The following AXIN1 variants were observed in gnomAD, a reference collection of about 807,000 sequenced individuals.
AXIN1 encodes axin-1.
A neutral mutation model predicts 76.4 loss-of-function variants in AXIN1; 30 were observed. That is an observed-to-expected ratio of 0.39 (90% CI 0.29 to 0.53). The LOEUF (loss-of-function observed/expected upper bound fraction) is 0.53, where lower values mean the gene tolerates loss of function less well. Among genes scored for constraint, AXIN1 ranks in the 20% least tolerant of loss-of-function variants. The pLI, the probability that AXIN1 is intolerant of heterozygous loss-of-function variation, is 0.66. For missense variants in AXIN1, 1,140 were observed against 1,198.8 expected (o/e 0.95, Z 0.72); for synonymous variants, 545 against 501.4 (o/e 1.09, Z -1.16).
chr16:290,160 C>G (rs1342569361), intron 9 of AXIN1: 5 of 170,912 alleles, frequency 2.9e-5, no homozygotes, highest in Admixed American at 2.8e-4. Context: ...ACAGCCGTGC[C>G]GGGATGACGG....
chr16:296,376 C>T (rs2052712371), intron 7 of AXIN1, among the ~76,000 whole-genome samples: 1 of 152,272 alleles, frequency 6.6e-6, no homozygotes. Flanking sequence ...CATCCACCCA[C>T]CAGGGCCAAC....
chr16:296,160 G>T (rs554848281), intron 7 of AXIN1, among the ~76,000 whole-genome samples: 3 of 152,214 alleles, frequency 2.0e-5, no homozygotes, highest in African/African-American at 4.8e-5. Flanking sequence ...CCAGAAAAAC[G>T]ATGAGCCCGT....
intron 4 of AXIN1, among the ~76,000 whole-genome samples, chr16:307,275 T>A (rs1192687563): frequency 6.6e-6 from 1 of 152,134 alleles, no homozygotes; most frequent in Non-Finnish European, 1.5e-5. Context: ...AGACTCCAGG[T>A]GGCCTTGCAG....
intron 4 of AXIN1, among the ~76,000 whole-genome samples, chr16:307,307 G>C (rs1340600085): frequency 6.6e-6 from 1 of 152,200 alleles, no homozygotes; most frequent in Non-Finnish European, 1.5e-5. Flanking sequence ...ACGGTTCTGA[G>C]AACAGCAAAA....
rs1374793173 is a variant in AXIN1, at chr16:310,172, T to G, written c.1020-103A>C. On this transcript the variant is annotated intron_variant, in intron 3 of 10. Coordinates refer to ENST00000262320, the MANE Select transcript of AXIN1 (RefSeq NM_003502.4). ...CCGACCGCCGGTCAGCAGGCAATGA[T>G]GAGGACACCTGTGAGCCACCACCAC... 21 of 1,009,474 alleles carry G rather than the reference T, an allele frequency of 2.1e-5. 1 individual carries two copies. The highest frequency in any genetic ancestry group is 5.3e-4 in the Middle Eastern group (2 of 3,740). 62.5% of individuals were successfully genotyped at this position (1,009,474 alleles called of 1,614,324 possible). A position where few individuals can be genotyped will look rare whatever the true frequency, so the allele number is the denominator to read the frequency against.
intron 4 of AXIN1, among the ~76,000 whole-genome samples, chr16:308,786 TTTG>T (rs1298922973): frequency 3.9e-5 from 6 of 152,220 alleles, no homozygotes; most frequent in Non-Finnish European, 8.8e-5. Flanking sequence ...TCAGCCACTT[TTTG>T]TTAAGTAGAC....
chr16:308,036 C>T (rs768620634), intron 4 of AXIN1, among the ~76,000 whole-genome samples: 3 of 152,358 alleles, frequency 2.0e-5, no homozygotes, highest in South Asian at 2.1e-4. Flanking sequence ...ACAGAGCCTC[C>T]GATGAGGTTG....
chr16:294,755 CAAAA>C (rs1015576394), intron 7 of AXIN1, among the ~76,000 whole-genome samples: 3 of 24,760 alleles, frequency 1.2e-4, no homozygotes, highest in South Asian at 4.3e-3. Context: ...AACCCCATCT[CAAAA>C]AAAAAAAAAA....
Position 293,518 on chromosome 16 carries a change from T to A in AXIN1, c.2156A>T (p.Lys719Met), listed in dbSNP as rs2141485025. 1.9e-6 allele frequency: 3 copies of A among 1,610,312 alleles called. No individual in the cohort carries two copies. The highest frequency in any genetic ancestry group is 1.7e-6 in the Non-Finnish European group (2 of 1,179,950). Residue 719 changes from lysine to methionine, a missense_variant, in exon 8 of 11, where the codon AAG (lysine) becomes ATG (methionine). Around this residue, in one of 3 missense-constraint regions of AXIN1, gnomAD observed 429 missense variants for 405.8 expected, o/e 1.06. Transcript: ENST00000262320. The surrounding 1 kb of genome is among the most constrained non-coding windows in gnomAD (Gnocchi z 4.6). ...CTTGGAGGGTGCTCGGCTGGCTCTC[T>A]TTTCTTCCTCCTCCAGACGTCGGCG... is the stretch of plus-strand genomic sequence containing the variant. ...EARRRLEEEE[K>M]RASRAPSKQR...
chr16:330,644 C>T (rs924023836), intron 2 of AXIN1, among the ~76,000 whole-genome samples: 5 of 152,216 alleles, frequency 3.3e-5, no homozygotes, highest in Non-Finnish European at 5.9e-5. Flanking sequence ...GCACAAATGG[C>T]TTCACATCAC....
chr16:335,961 G>A (rs757228128), intron 2 of AXIN1, among the ~76,000 whole-genome samples: 2 of 152,190 alleles, frequency 1.3e-5, no homozygotes, highest in African/African-American at 4.8e-5. Context: ...ATGGCCAGGC[G>A]TGGTGGCTCA....
At chr16:336,832 A>C (rs1189892382) in intron 2 of AXIN1, among the ~76,000 whole-genome samples, 12 of 150,482 alleles carry the variant, frequency 8.0e-5, no homozygotes, top group East Asian at 1.9e-4. Context: ...AAAAAAAAAA[A>C]AACAAAACAT....
chr16:328,523 C>G (rs1471488877), intron 2 of AXIN1, among the ~76,000 whole-genome samples: 1 of 151,480 alleles, frequency 6.6e-6, no homozygotes, highest in Non-Finnish European at 1.5e-5. Context: ...TGGAGAAACC[C>G]CATCTCTACT....
chr16:293,796 C>A lies in AXIN1; in HGVS notation c.1956-78G>T. ...GCCTGGTGGGGCTACACTCATCTCA[C>A]AAGGGCAGCCTCCTTGAGGGATAGG... On this transcript the variant is annotated intron_variant, in intron 7 of 10. Transcript: ENST00000262320. The surrounding 1 kb of genome is among the most constrained non-coding windows in gnomAD (Gnocchi z 4.6). The A allele has an allele frequency of 7.2e-7, 1 of 1,398,274 alleles. No individual in the cohort carries two copies. The highest frequency in any genetic ancestry group is 1.0e-6 in the Non-Finnish European group (1 of 993,308). 86.6% of individuals were successfully genotyped at this position (1,398,274 alleles called of 1,614,324 possible).
intron 2 of AXIN1, among the ~76,000 whole-genome samples, chr16:342,063 G>C (rs1393577552): frequency 6.6e-6 from 1 of 152,106 alleles, no homozygotes; most frequent in Admixed American, 6.5e-5. Context: ...GCTGGCTGCG[G>C]GAGCCAGCAG....
At chr16:305,415 G>A (rs2052992681) in intron 4 of AXIN1, among the ~76,000 whole-genome samples, 1 of 152,214 alleles carries the variant, frequency 6.6e-6, no homozygotes, top group Non-Finnish European at 1.5e-5. Context: ...GATCAAGGCT[G>A]CAGTGAGCCG....
chr16:341,632 C>T (rs1017372755), intron 2 of AXIN1, among the ~76,000 whole-genome samples: 14 of 152,228 alleles, frequency 9.2e-5, no homozygotes, highest in African/African-American at 2.4e-4. Context: ...AGTGCGGGCG[C>T]ACGGCACGGG....
intron 2 of AXIN1, among the ~76,000 whole-genome samples, chr16:340,530 G>A (rs1035541164): frequency 1.3e-5 from 2 of 152,210 alleles, no homozygotes; most frequent in South Asian, 2.1e-4. Context: ...GCCTGAGCCC[G>A]CCAGCCAGGG....
intron 4 of AXIN1, among the ~76,000 whole-genome samples, chr16:308,401 A>G (rs2053084569): frequency 6.6e-6 from 1 of 152,144 alleles, no homozygotes; most frequent in Admixed American, 6.5e-5. Context: ...ATGCCCCCTC[A>G]TCCAGAGTCT....
Sources: allele counts gnomAD v4.1 joint callset (sites outside exome capture counted in the v4.1 genomes callset), GRCh38; gene constraint gnomAD v4.1.1; regional missense constraint gnomAD v4.1.1; non-coding constraint Gnocchi (gnomAD v3.1); transcripts MANE v1.5; gene names NCBI Gene and HGNC (gene_info 2026-07-23, HGNC 2026-07-21).